MINK1: variants seen among roughly 807,000 people sequenced by gnomAD.
The protein encoded by MINK1 is misshapen like kinase 1, also known as misshapen-like kinase 1.
MINK1 carries 46 observed loss-of-function variants against 178.4 expected under a neutral mutation model. The observed-to-expected ratio is 0.26, with a 90% CI of 0.20 to 0.33. The LOEUF is 0.33. MINK1 is among the 10% of genes least tolerant of loss of function. The probability of loss-of-function intolerance (pLI) is 1.00; values close to 1 mark genes in which losing one functional copy is unlikely to be tolerated. For synonymous variants in MINK1, 797 were observed against 709.7 expected, an observed-to-expected ratio of 1.12 and a Z score of -1.96; for missense variants, 1,366 against 1,814.9, an observed-to-expected ratio of 0.75 and a Z score of 4.49.
In MINK1 at chr17:4,895,774, G is replaced by A. The variant is rs376984470; in HGVS notation, c.3306G>A (p.Glu1102=). ...NKILHNDPEV[E]KKQGWTTVGD... ...TTCTGCACAATGACCCAGAAGTGGA[G>A]AAGAAGCAGGGCTGGACCACCGTGG... The change falls in exon 27 of 32, where the codon GAG becomes GAA. Residue 1102 remains glutamate (E), a synonymous_variant. Coordinates refer to ENST00000355280, the MANE Select transcript of MINK1 (RefSeq NM_153827.5). This position sits in a 1 kb window ranked among gnomAD's most constrained non-coding sequence, Gnocchi z 4.3. 1.6e-4 allele frequency: 259 copies of A among 1,613,830 alleles called. 1 individual carries two copies. The highest frequency in any genetic ancestry group is 4.9e-4 in the Middle Eastern group (3 of 6,062).
intron 1 of MINK1, chr17:4,857,230 GC>G (rs1386091836): frequency 3.5e-6 from 1 of 284,422 alleles, no homozygotes; most frequent in Non-Finnish European, 7.2e-6. Context: ...ATGTGGATCA[GC>G]TCTGGCCACA....
Position 4,833,573 on chromosome 17 carries a change from CCA to C in MINK1, c.-9_-8del. The stretch of plus-strand genomic sequence containing the variant: ...GTGAGCGGCCCCGGTGCCCCGTTCC[CCA>C]CGGAGGCCATGGGCGACCCAGCCCC... On this transcript the variant is annotated 5_prime_UTR_variant, in exon 1 of 32. Coordinates refer to ENST00000355280, the MANE Select transcript of MINK1 (RefSeq NM_153827.5). This position sits in a 1 kb window ranked among gnomAD's most constrained non-coding sequence, Gnocchi z 4.8. 6.7e-7 allele frequency: 1 copy of C among 1,498,394 alleles called. No individual in the cohort carries two copies. The highest frequency in any genetic ancestry group is 2.8e-5 in the East Asian group (1 of 35,152). The allele number at this position is 1,498,394 out of a possible 1,614,324, so 92.8% of individuals were successfully genotyped here.
chr17:4,889,553 G>A (rs1567611285), intron 12 of MINK1, 94 bp from the exon 13 acceptor site: 1 of 1,074,596 alleles, frequency 9.3e-7, no homozygotes, highest in Non-Finnish European at 1.4e-6. Flanking sequence ...CACCCTCCGT[G>A]GTGAGCAAGG....
intron 5 of MINK1, 52 bp downstream of exon 5, chr17:4,884,525 T>A: frequency 7.3e-7 from 1 of 1,367,142 alleles, no homozygotes. Context: ...CTGGCTGGAG[T>A]TTCTCCATGA....
intron 1 of MINK1, among the ~76,000 whole-genome samples, chr17:4,846,558 CATCCTT>C (rs77603909): frequency 0.11 from 16,040 of 152,184 alleles, 1,602 homozygotes; most frequent in East Asian, 0.51. Context: ...GAGACACTAA[CATCCTT>C]AGGTGTTATC....
Position 4,890,005 on chromosome 17 carries a change from T to G in MINK1, c.1347+242T>G. ...CCCTGACTCCCCGACCCCTTCCTCA[T>G]CCCCCCTCATTCCCTGTGCCCTCTT... On this transcript the variant is annotated intron_variant, in intron 13 of 31. Transcript: ENST00000355280. 3 of 479,158 alleles carry G rather than the reference T, an allele frequency of 6.3e-6. No homozygotes were observed. In the East Asian group the frequency reaches 1.2e-4, roughly 19 times the overall value. 29.7% of individuals were successfully genotyped at this position (479,158 alleles called of 1,614,324 possible).
chr17:4,880,673 G>A (rs1368885288), intron 2 of MINK1, among the ~76,000 whole-genome samples: 2 of 150,658 alleles, frequency 1.3e-5, no homozygotes, highest in African/African-American at 2.4e-5. Flanking sequence ...GCCGAGGCAG[G>A]CGGATCACGA....
At position 4,886,383 on chromosome 17, in the gene MINK1, C is replaced by T. The variant is rs1038890467; in HGVS notation, c.774-68C>T. Reference sequence around the variant, plus strand: ...CAAGGTGGCTTGTGGATGAATGATCCACCCTCTTCCTCCTGCACCCATCCC... The same window carrying T: ...CAAGGTGGCTTGTGGATGAATGATCTACCCTCTTCCTCCTGCACCCATCCC... On this transcript the variant is annotated intron_variant, in intron 9 of 31. Coordinates refer to ENST00000355280, the MANE Select transcript of MINK1 (RefSeq NM_153827.5). This position sits in a 1 kb window ranked among gnomAD's most constrained non-coding sequence, Gnocchi z 6.1. 1.7e-5 allele frequency: 27 copies of T among 1,546,926 alleles called. No homozygotes were observed. Among genetic ancestry groups the T allele is most frequent in the Non-Finnish European group, 2.2e-5 (25 of 1,135,160 alleles).
chr17:4,845,334 C>A (rs969245546), intron 1 of MINK1, among the ~76,000 whole-genome samples: 5 of 152,184 alleles, frequency 3.3e-5, no homozygotes, highest in Non-Finnish European at 2.9e-5. Flanking sequence ...CCAGCCATGA[C>A]TTGCGTTCTG....
intron 20 of MINK1, 97 bp downstream of exon 20, chr17:4,893,164 C>G: frequency 1.3e-6 from 2 of 1,510,758 alleles, no homozygotes; most frequent in Non-Finnish European, 1.8e-6. Context: ...GCTGATCTAC[C>G]GAGAAGGGCT....
At chr17:4,882,549 C>T (rs1967797833) in intron 4 of MINK1, among the ~76,000 whole-genome samples, 1 of 152,206 alleles carries the variant, frequency 6.6e-6, no homozygotes, top group African/African-American at 2.4e-5. Flanking sequence ...TAGAGAATCA[C>T]TATTTCTTAG....
At chr17:4,856,108 G>A (rs1484658362) in intron 1 of MINK1, among the ~76,000 whole-genome samples, 4 of 151,962 alleles carry the variant, frequency 2.6e-5, no homozygotes, top group South Asian at 2.1e-4. Context: ...TCCTTCTCTC[G>A]CCATAGGAAC....
chr17:4,891,849 C>A, intron 16 of MINK1, 133 bp downstream of exon 16: 1 of 1,293,692 alleles, frequency 7.7e-7, no homozygotes, highest in Non-Finnish European at 1.0e-6. Flanking sequence ...GCTGCCCTGC[C>A]GGGGTCAGCC....
chr17:4,855,974 CAAA>C (rs60062875), intron 1 of MINK1, among the ~76,000 whole-genome samples: 6 of 119,140 alleles, frequency 5.0e-5, no homozygotes, highest in African/African-American at 3.1e-5. Flanking sequence ...GACTCTATCT[CAAA>C]AAAAAAAAAA....
chr17:4,880,776 T>A (rs1473428816), intron 2 of MINK1, among the ~76,000 whole-genome samples: 1 of 151,796 alleles, frequency 6.6e-6, no homozygotes, highest in African/African-American at 2.4e-5. Flanking sequence ...GGTGGATGCC[T>A]GTAGTCCCAG....
In MINK1 at chr17:4,893,547, G is replaced by C; in HGVS notation, c.2514G>C (p.Glu838Asp). 1 of 1,591,454 alleles carries C rather than the reference G, an allele frequency of 6.3e-7. No individual in the cohort carries two copies. Among genetic ancestry groups the C allele is most frequent in the Non-Finnish European group, 8.6e-7 (1 of 1,163,846 alleles). ...EEVESSEDDE[E>D]EGEGGPAEGS... ...TGGAAAGCAGTGAGGACGACGAGGA[G>C]GAAGGCGAAGGCGGGCCAGCAGAGG... Residue 838 changes from glutamate to aspartate, a missense_variant, in exon 21 of 32, where the codon GAG (glutamate) becomes GAC (aspartate). Coordinates refer to ENST00000355280, the MANE Select transcript of MINK1 (RefSeq NM_153827.5).
At chr17:4,897,142 C>T (rs1465547509) in intron 31 of MINK1, 62 bp from the exon 32 acceptor site, 3 of 1,402,700 alleles carry the variant, frequency 2.1e-6, no homozygotes, top group Middle Eastern at 1.8e-4. Context: ...TTCTTTCCCT[C>T]TCCCAGTTGA....
intron 1 of MINK1, chr17:4,861,851 A>G (rs1489933517): frequency 6.2e-6 from 1 of 161,652 alleles, no homozygotes; most frequent in African/African-American, 2.4e-5. Context: ...AGGAGATAAG[A>G]CATGCTTAGT....
intron 1 of MINK1, among the ~76,000 whole-genome samples, chr17:4,864,561 C>T (rs1191747911): frequency 6.6e-6 from 1 of 150,456 alleles, no homozygotes; most frequent in African/African-American, 2.5e-5. Flanking sequence ...CCCATCTCTA[C>T]TAAAAATACA....
Sources: allele counts gnomAD v4.1 joint callset (sites outside exome capture counted in the v4.1 genomes callset), GRCh38; gene constraint gnomAD v4.1.1; non-coding constraint Gnocchi (gnomAD v3.1); transcripts MANE v1.5; gene names NCBI Gene and HGNC (gene_info 2026-07-23, HGNC 2026-07-21).